The following RFC1 variants were observed in gnomAD, a reference collection of about 807,000 sequenced individuals.
RFC1 encodes replication factor C subunit 1.
Under a neutral mutation model 137.4 loss-of-function variants are expected in RFC1, and 37 were observed. That is an observed-to-expected ratio of 0.27 (90% CI 0.21 to 0.35). The LOEUF (loss-of-function observed/expected upper bound fraction) is 0.35. RFC1 is among the 10% of genes least tolerant of loss of function. The pLI is 1.00. For missense variants in RFC1, 1,205 were observed against 1,358.5 expected, an observed-to-expected ratio of 0.89 and a Z score of 1.78; for synonymous variants, 429 against 455.7, an observed-to-expected ratio of 0.94 and a Z score of 0.75.
chr4:39,300,528 T>G (rs1399378470), intron 19 of RFC1, 114 bp from the exon 20 acceptor site: 7 of 763,800 alleles, frequency 9.2e-6, no homozygotes, highest in Non-Finnish European at 1.5e-5. Context: ...CTGGTGGGAA[T>G]GCAAAACTGT....
intron 15 of RFC1, 39 bp downstream of exon 15, chr4:39,304,775 T>G (rs1438977492): frequency 4.5e-6 from 5 of 1,114,116 alleles, no homozygotes; most frequent in Non-Finnish European, 6.9e-6. Context: ...AACATATTTT[T>G]CTTATATAAC....
intron 16 of RFC1, 51 bp from the exon 17 acceptor site, chr4:39,302,925 A>T (rs1299609818): frequency 6.5e-7 from 1 of 1,540,212 alleles, no homozygotes; most frequent in African/African-American, 1.4e-5. Context: ...AATGACAAAT[A>T]CCACACAAGC....
At chr4:39,304,587 T>C (rs1738537227) in intron 15 of RFC1, among the ~76,000 whole-genome samples, 1 of 152,198 alleles carries the variant, frequency 6.6e-6, no homozygotes, top group Non-Finnish European at 1.5e-5. Context: ...GAAAAACGAA[T>C]ATGTGCATGT....
intron 10 of RFC1, among the ~76,000 whole-genome samples, chr4:39,316,314 T>C (rs1290033766): frequency 1.3e-5 from 2 of 152,236 alleles, no homozygotes; most frequent in South Asian, 2.1e-4. Flanking sequence ...TTAACCTCTT[T>C]GGCCATTCTC....
intron 22 of RFC1, among the ~76,000 whole-genome samples, chr4:39,293,212 AAAG>A (rs779496016): frequency 9.9e-5 from 15 of 152,202 alleles, no homozygotes; most frequent in Non-Finnish European, 1.9e-4. Context: ...GCTAGTACTT[AAAG>A]GAAGCAGTGT....
intron 13 of RFC1, among the ~76,000 whole-genome samples, chr4:39,306,997 C>T (rs758329616): frequency 1.4e-4 from 21 of 152,128 alleles, no homozygotes; most frequent in Non-Finnish European, 2.5e-4. Flanking sequence ...CCATGGAGCA[C>T]GCTGCCGGGG....
At position 39,304,910 on chromosome 4, in the gene RFC1, C is replaced by A. The variant is rs28903096; in HGVS notation, c.2014G>T (p.Val672Leu). 1,572 of 1,610,522 alleles carry A rather than the reference C, an allele frequency of 9.8e-4. 1 individual carries two copies. Among genetic ancestry groups the A allele is most frequent in the Non-Finnish European group, 1.2e-3 (1,363 of 1,176,842 alleles). ...CGGGTGTCACTTGCATTCAGTTCCA[C>A]GTAGCTGTATCCCAACTCCTAATCA... is the stretch of plus-strand genomic sequence containing the variant. The part of the protein sequence containing the change: ...LVCQELGYSY[V>L]ELNASDTRSK... The change falls in exon 15 of 25, where the codon GTG (valine) becomes TTG (leucine). Residue 672 changes from valine to leucine, a missense_variant. Transcript: ENST00000349703.
intron 4 of RFC1, among the ~76,000 whole-genome samples, chr4:39,328,933 G>A (rs928138340): frequency 3.3e-5 from 5 of 151,852 alleles, no homozygotes; most frequent in African/African-American, 1.2e-4. Flanking sequence ...TATTGCAGGT[G>A]AACCATCTAC....
At chr4:39,306,854 GT>G in intron 13 of RFC1, 153 bp from the exon 14 acceptor site, 1 of 607,714 alleles carries the variant, frequency 1.6e-6, no homozygotes, top group South Asian at 2.0e-5. Flanking sequence ...GCATAAACAA[GT>G]TTCCAGAGCA....
rs577502509 is a variant in RFC1, at chr4:39,300,197, C to T, written c.2691-59G>A. 37 of 1,610,384 alleles carry T rather than the reference C, an allele frequency of 2.3e-5. 1 individual carries two copies. The highest frequency in any genetic ancestry group is 1.4e-4 in the South Asian group (13 of 90,950). On this transcript the variant is annotated intron_variant, in intron 20 of 24. Transcript: ENST00000349703. ...CTCCACACCCCAGGTCCCTTCTTCA[C>T]GGGTATTTAGCCTTCGCAGTGCTGG...
At position 39,291,762 on chromosome 4, in the gene RFC1, G is replaced by A. The variant is rs776776240; in HGVS notation, c.3045C>T (p.Asp1015=). 1.9e-5 allele frequency: 30 copies of A among 1,613,246 alleles called. No homozygotes were observed. The highest frequency in any genetic ancestry group is 3.3e-5 in the Admixed American group (2 of 60,012). Residue 1015 remains aspartate, a synonymous_variant, in exon 23 of 25, where the codon GAC becomes GAT. Transcript: ENST00000349703. ...TAAGTGCAACAACATCCTGTACTCC[G>A]TCTACTCCTTGTGAGGTCAAGGGCT... ...LVQPLTSQGV[D]GVQDVVALMD...
chr4:39,319,189 C>T (rs1423953353), intron 9 of RFC1, among the ~76,000 whole-genome samples: 1 of 152,140 alleles, frequency 6.6e-6, no homozygotes, highest in Non-Finnish European at 1.5e-5. Context: ...CATATGAAGT[C>T]ATTAGGTACT....
intron 19 of RFC1, among the ~76,000 whole-genome samples, chr4:39,302,042 T>A (rs1019730319): frequency 8.5e-5 from 13 of 152,184 alleles, no homozygotes; most frequent in African/African-American, 3.1e-4. Context: ...TGTTGAAGCA[T>A]AAGTATAATT....
intron 10 of RFC1, among the ~76,000 whole-genome samples, chr4:39,316,131 G>A (rs1238569903): frequency 6.6e-6 from 1 of 152,228 alleles, no homozygotes; most frequent in East Asian, 1.9e-4. Flanking sequence ...TCCAGAGGCT[G>A]AGGCAGGAGA....
In RFC1 at chr4:39,321,309, T is replaced by G. The variant is rs1182825971; in HGVS notation, c.786A>C (p.Glu262Asp). ...TACCTTTATGAGGATATTTATGTTT[T>G]TCTGCTTTACTTAAATTGGCTTGGA... is the stretch of plus-strand genomic sequence containing the variant. ...SSVQANLSKA[E>D]KHKYPHKVKT... The change falls in exon 8 of 25, where the codon GAA (glutamate) becomes GAC (aspartate). Residue 262 changes from glutamate to aspartate, a missense_variant. By Grantham distance (45) the Glu-to-Asp change is conservative. Around this residue, in one of 3 missense-constraint regions of RFC1, gnomAD observed 962 missense variants for 1,035.3 expected, o/e 0.93. Transcript: ENST00000349703. 42 of 1,613,680 alleles carry G rather than the reference T, an allele frequency of 2.6e-5. No individual in the cohort carries two copies. Among genetic ancestry groups the G allele is most frequent in the Non-Finnish European group, 3.6e-5 (42 of 1,179,830 alleles).
chr4:39,345,430 C>T lies in RFC1; in HGVS notation c.179G>A (p.Ser60Asn), dbSNP rs773598218. 6.2e-7 allele frequency: 1 copy of T among 1,613,868 alleles called. No homozygotes were observed. The highest frequency in any genetic ancestry group is 8.5e-7 in the Non-Finnish European group (1 of 1,179,914). Residue 60 changes from serine to asparagine, a missense_variant, in exon 3 of 25, where the codon AGC becomes AAC. Around this residue, in one of 3 missense-constraint regions of RFC1, gnomAD observed 962 missense variants for 1,035.3 expected, o/e 0.93. Coordinates refer to ENST00000349703, the MANE Select transcript of RFC1 (RefSeq NM_002913.5). ...KEDDFKQKQP[S>N]KKKRIIYDSD... Reference sequence around the variant, plus strand: ...ATCATAGATGATCCTCTTTTTCTTGCTTGGTTGCTTTTGTTTGAAGTCATC... The same window carrying T: ...ATCATAGATGATCCTCTTTTTCTTGTTTGGTTGCTTTTGTTTGAAGTCATC...
chr4:39,290,722 T>C (rs1397186786), intron 23 of RFC1, among the ~76,000 whole-genome samples: 2 of 149,636 alleles, frequency 1.3e-5, no homozygotes, highest in Non-Finnish European at 1.5e-5. Context: ...GGCTGAGGCA[T>C]GAGAATGGCT....
intron 10 of RFC1, among the ~76,000 whole-genome samples, chr4:39,316,446 A>G (rs150106998): frequency 6.6e-6 from 1 of 152,122 alleles, no homozygotes; most frequent in African/African-American, 2.4e-5. Flanking sequence ...CCACCACGCC[A>G]TCACAACCCC....
Position 39,293,082 on chromosome 4 carries a change from T to C in RFC1, c.2955-1230A>G, listed in dbSNP as rs550984569. ...TGTGTGAACCATAAGAAGCCACAGC[T>C]TTTTTCCTGATCAGAAATCTAGACT... is the stretch of plus-strand genomic sequence containing the variant. On this transcript the variant is annotated intron_variant, in intron 22 of 24. Coordinates refer to ENST00000349703, the MANE Select transcript of RFC1 (RefSeq NM_002913.5). Among the ~76,000 whole-genome samples the C allele has an allele frequency of 2.4e-4, 36 of 152,294 alleles. 1 individual carries two copies. The East Asian group carries it at 5.0e-3, about 21-fold the overall frequency.
Sources: gnomAD v4.1 joint callset for allele counts (sites outside exome capture counted in the v4.1 genomes callset) on GRCh38, gnomAD v4.1.1 for gene constraint, gnomAD v4.1.1 regional missense constraint, MANE v1.5 for transcripts, NCBI Gene and HGNC (gene_info 2026-07-23, HGNC 2026-07-21) for gene names.